Variants in LMO7 observed in about 807,000 individuals in gnomAD.
The protein encoded by LMO7 is LIM domain 7, also known as LIM domain only protein 7.
In LMO7, 120 loss-of-function variants were observed where a neutral mutation model predicts 206.5. The observed-to-expected ratio is 0.58, with a 90% CI of 0.50 to 0.68. The LOEUF (loss-of-function observed/expected upper bound fraction) is 0.68, where lower values mean the gene tolerates loss of function less well. LMO7 is among the 30% of genes least tolerant of loss of function. LMO7 has a pLI of 0.00. For missense variants in LMO7, 1,959 were observed against 1,957.9 expected (o/e 1.00, Z -0.01); for synonymous variants, 706 against 681.5 (o/e 1.04, Z -0.56).
intron 1 of LMO7, among the ~76,000 whole-genome samples, chr13:75,690,075 T>C (rs2041335731): frequency 6.6e-6 from 1 of 152,014 alleles, no homozygotes; most frequent in African/African-American, 2.4e-5. Flanking sequence ...TTTTTTTTTT[T>C]TCTTAAACAG....
intron 1 of LMO7, among the ~76,000 whole-genome samples, chr13:75,654,123 G>A (rs996700802): frequency 6.6e-6 from 1 of 152,086 alleles, no homozygotes; most frequent in African/African-American, 2.4e-5. Context: ...AAAATTTCTA[G>A]CAGGAAACAG....
rs1452945088 is a variant in LMO7, at chr13:75,821,126, T to C, written c.2208-51T>C. Reference sequence around the variant, plus strand: ...GCGTTGATTACTCTCTCACCACCTCTGTGTGTCAAATGTGTGTCTTTGTGG... The same window carrying C: ...GCGTTGATTACTCTCTCACCACCTCCGTGTGTCAAATGTGTGTCTTTGTGG... On this transcript the variant is annotated intron_variant, in intron 13 of 30. Coordinates refer to ENST00000377534, the MANE Select transcript of LMO7 (RefSeq NM_001306080.2). 4 of 1,422,570 alleles carry C rather than the reference T, an allele frequency of 2.8e-6. 1 individual carries two copies. In the South Asian group the frequency reaches 5.5e-5, roughly 20 times the overall value. The allele number at this position is 1,422,570 out of a possible 1,614,324, so 88.1% of individuals were successfully genotyped here.
rs1555305780 is a variant in LMO7 at position 75,737,790 on chromosome 13, A to AAAAAC, written c.210+10696_210+10697insCAAAA. The stretch of plus-strand genomic sequence containing the variant: ...AATAAAATAAAATAAAATAAAAAAA[A>AAAAAC]AAAAAAAAAAACTTTTTACTTTGAA... On this transcript the variant is annotated intron_variant, in intron 3 of 30. Coordinates refer to ENST00000377534, the MANE Select transcript of LMO7 (RefSeq NM_001306080.2). Among the ~76,000 whole-genome samples the AAAAAC allele has an allele frequency of 1.2e-3, 159 of 129,492 alleles. 6 individuals are homozygous for AAAAAC. Among genetic ancestry groups the AAAAAC allele is most frequent in the African/African-American group, 4.8e-3 (150 of 31,270 alleles). 85.0% of individuals were successfully genotyped at this position (129,492 alleles called of 152,430 possible). A position where few individuals can be genotyped will look rare whatever the true frequency, so the allele number is the denominator to read the frequency against.
intron 1 of LMO7, among the ~76,000 whole-genome samples, chr13:75,701,587 T>C (rs188252378): frequency 2.6e-5 from 4 of 152,360 alleles, no homozygotes; most frequent in Non-Finnish European, 1.5e-5. Context: ...TAAAATATCC[T>C]GATAATGATT....
chr13:75,815,052 T>G (rs1361668149), intron 11 of LMO7, among the ~76,000 whole-genome samples: 1 of 152,102 alleles, frequency 6.6e-6, no homozygotes, highest in East Asian at 1.9e-4. Flanking sequence ...TAGTGGGTGC[T>G]GAGTAGAGGT....
intron 1 of LMO7, among the ~76,000 whole-genome samples, chr13:75,643,739 C>G (rs2036770969): frequency 6.6e-6 from 1 of 152,204 alleles, no homozygotes; most frequent in Non-Finnish European, 1.5e-5. Flanking sequence ...AGGTTTAACA[C>G]ATTCAATCTG....
intron 1 of LMO7, among the ~76,000 whole-genome samples, chr13:75,707,622 A>T (rs1355202893): frequency 6.6e-6 from 1 of 152,088 alleles, no homozygotes; most frequent in Non-Finnish European, 1.5e-5. Context: ...ACATACCACA[A>T]ATTACCTTCT....
chr13:75,717,912 A>G (rs2043687610), intron 2 of LMO7, among the ~76,000 whole-genome samples: 1 of 152,122 alleles, frequency 6.6e-6, no homozygotes, highest in Admixed American at 6.6e-5. Flanking sequence ...AACACTATTA[A>G]CCCTGATCTG....
intron 1 of LMO7, among the ~76,000 whole-genome samples, chr13:75,686,396 C>A (rs1479783526): frequency 6.6e-6 from 1 of 152,088 alleles, no homozygotes; most frequent in Non-Finnish European, 1.5e-5. Context: ...ATGGGAAAGA[C>A]TTCCCCACAT....
At chr13:75,714,751 A>G (rs975351100) in intron 2 of LMO7, among the ~76,000 whole-genome samples, 1 of 152,184 alleles carries the variant, frequency 6.6e-6, no homozygotes, top group Non-Finnish European at 1.5e-5. Flanking sequence ...ACTAATGGGA[A>G]GTTACTTTAT....
chr13:75,733,364 G>T (rs1223237513), intron 3 of LMO7, among the ~76,000 whole-genome samples: 1 of 152,212 alleles, frequency 6.6e-6, no homozygotes, highest in East Asian at 1.9e-4. Flanking sequence ...CTGCTGCCTT[G>T]CAGTTTGATC....
chr13:75,643,173 G>C (rs2036713418), intron 1 of LMO7, among the ~76,000 whole-genome samples: 1 of 152,120 alleles, frequency 6.6e-6, no homozygotes, highest in Non-Finnish European at 1.5e-5. Flanking sequence ...CTTTCTCTCT[G>C]GATGCCGAGA....
At chr13:75,801,871 A>G (rs1383224621) in intron 7 of LMO7, among the ~76,000 whole-genome samples, 1 of 152,214 alleles carries the variant, frequency 6.6e-6, no homozygotes, top group Non-Finnish European at 1.5e-5. Flanking sequence ...AACTTAAAAT[A>G]ATTGTACAGC....
chr13:75,798,134 G>T (rs2054271055), intron 6 of LMO7, among the ~76,000 whole-genome samples: 1 of 152,210 alleles, frequency 6.6e-6, no homozygotes, highest in Non-Finnish European at 1.5e-5. Flanking sequence ...ACTTTGGGAG[G>T]CTGAGACAGG....
chr13:75,757,985 G>T lies in LMO7; in HGVS notation c.211-2947G>T, dbSNP rs78900048. On this transcript the variant is annotated intron_variant, in intron 3 of 30. Coordinates refer to ENST00000377534, the MANE Select transcript of LMO7 (RefSeq NM_001306080.2). The stretch of plus-strand genomic sequence containing the variant: ...GATGGGTTGGGCCAGGGAGGGTTGG[G>T]CTCCTCTTCTTTTGCAGAGAAAAAT... 1.1e-3 allele frequency among the ~76,000 whole-genome samples: 166 copies of T among 152,122 alleles called. 1 individual carries two copies. Among genetic ancestry groups the T allele is most frequent in the African/African-American group, 3.8e-3 (157 of 41,510 alleles).
chr13:75,818,670 T>C (rs2057294186), intron 12 of LMO7, among the ~76,000 whole-genome samples: 2 of 152,168 alleles, frequency 1.3e-5, no homozygotes, highest in South Asian at 2.1e-4. Flanking sequence ...CTTATTGCGC[T>C]GACCTAGGTG....
chr13:75,692,526 C>T (rs1443398051), intron 1 of LMO7, among the ~76,000 whole-genome samples: 2 of 152,032 alleles, frequency 1.3e-5, no homozygotes, highest in Non-Finnish European at 2.9e-5. Context: ...TCTGGCACCA[C>T]AGGCGCACAC....
At chr13:75,652,770 TA>T (rs899603376) in intron 1 of LMO7, among the ~76,000 whole-genome samples, 2 of 152,100 alleles carry the variant, frequency 1.3e-5, no homozygotes, top group African/African-American at 4.8e-5. Flanking sequence ...TTATTAAACT[TA>T]AAAAAACCTC....
rs899778311 is a variant in LMO7 at position 75,859,559 on chromosome 13, A to G, written c.*1616A>G. On this transcript the variant is annotated 3_prime_UTR_variant, in exon 31 of 31. Coordinates refer to ENST00000377534, the MANE Select transcript of LMO7 (RefSeq NM_001306080.2). ...TGTTTCTAAGATCAAACATTTTAAT[A>G]TGTGCATGTTATATATAAATATGTA... 14 of 152,186 alleles carry G rather than the reference A, an allele frequency of 9.2e-5. No homozygotes were observed. The highest frequency in any genetic ancestry group is 5.9e-4 in the Admixed American group (9 of 15,282). The allele number at this position is 152,186 out of a possible 1,614,324, so 9.4% of individuals were successfully genotyped here. A position where few individuals can be genotyped will look rare whatever the true frequency, so the allele number is the denominator to read the frequency against.
Sources: gnomAD v4.1 joint callset for allele counts (sites outside exome capture counted in the v4.1 genomes callset) on GRCh38, gnomAD v4.1.1 for gene constraint, MANE v1.5 for transcripts, NCBI Gene and HGNC (gene_info 2026-07-23, HGNC 2026-07-21) for gene names.